ZBBX: variants seen among roughly 807,000 people sequenced by gnomAD.
ZBBX encodes the protein zinc finger B-box domain containing.
Under a neutral mutation model 108.5 loss-of-function variants are expected in ZBBX, and 101 were observed. That is an observed-to-expected ratio of 0.93 (90% CI 0.79 to 1.10). The LOEUF (loss-of-function observed/expected upper bound fraction) is 1.10, where lower values mean the gene tolerates loss of function less well. Ranked by LOEUF, ZBBX falls within the 50% of genes least tolerant of loss-of-function variation. The pLI, the probability that ZBBX is intolerant of heterozygous loss-of-function variation, is 0.00. For synonymous variants in ZBBX, 356 were observed against 323.4 expected, an observed-to-expected ratio of 1.10 and a Z score of -1.08; for missense variants, 1,009 against 941.4, an observed-to-expected ratio of 1.07 and a Z score of -0.94.
chr3:167,206,128 G>A, the ZBBX span, among the ~76,000 whole-genome samples: 2 of 151,666 alleles, frequency 1.3e-5, 1 homozygote, highest in African/African-American at 4.8e-5. Flanking sequence ...TGTTCCCTTT[G>A]ACCTACTTCT....
the ZBBX span, among the ~76,000 whole-genome samples, chr3:167,234,676 T>C: frequency 6.6e-6 from 1 of 151,794 alleles, no homozygotes; most frequent in Non-Finnish European, 1.5e-5. Flanking sequence ...CAAGTAGCTA[T>C]TGATCAGTAA....
At chr3:167,339,356 ACACCTC>A (rs1740138210) in intron 9 of ZBBX, among the ~76,000 whole-genome samples, 1 of 152,172 alleles carries the variant, frequency 6.6e-6, no homozygotes, top group South Asian at 2.1e-4. Flanking sequence ...AGCTGTAAAG[ACACCTC>A]CTCTGACTTT....
chr3:167,193,622 C>T, the ZBBX span, among the ~76,000 whole-genome samples: 2 of 152,034 alleles, frequency 1.3e-5, no homozygotes, highest in African/African-American at 4.8e-5. Flanking sequence ...GCTTCTCCAC[C>T]ACCATTTTGG....
At chr3:167,398,512 C>T (rs1008514187) in intron 1 of ZBBX, among the ~76,000 whole-genome samples, 1 of 151,760 alleles carries the variant, frequency 6.6e-6, no homozygotes, top group Non-Finnish European at 1.5e-5. Flanking sequence ...TATGTATGTC[C>T]TATTAGCTAG....
intron 8 of ZBBX, among the ~76,000 whole-genome samples, chr3:167,358,991 GA>G (rs1157669350): frequency 8.7e-6 from 1 of 114,308 alleles, no homozygotes; most frequent in Non-Finnish European, 1.9e-5. Context: ...TGTGAGAAAA[GA>G]AAAAAAAGAC....
chr3:167,261,813 C>T (rs1224069846), intron 20 of ZBBX, among the ~76,000 whole-genome samples: 1 of 145,792 alleles, frequency 6.9e-6, no homozygotes, highest in Non-Finnish European at 1.5e-5. Flanking sequence ...GGGGCGGGGG[C>T]TTGGTTCTTC....
the ZBBX span, among the ~76,000 whole-genome samples, chr3:167,229,695 A>C: frequency 6.6e-6 from 1 of 151,936 alleles, no homozygotes; most frequent in Non-Finnish European, 1.5e-5. Flanking sequence ...CTCTGGAAGA[A>C]AAATGACCAC....
chr3:167,360,551 T>C, intron 7 of ZBBX, 124 bp downstream of exon 7: 2 of 488,320 alleles, frequency 4.1e-6, no homozygotes, highest in Non-Finnish European at 6.6e-6. Context: ...CAATGTGTCA[T>C]GATTTGGGGG....
chr3:167,374,261 T>C (rs1480603276), intron 2 of ZBBX, among the ~76,000 whole-genome samples: 1 of 152,072 alleles, frequency 6.6e-6, no homozygotes, highest in Non-Finnish European at 1.5e-5. Context: ...GATCAGAAAT[T>C]AGCATATTTT....
At chr3:167,276,203 T>G (rs1363539057) in intron 20 of ZBBX, among the ~76,000 whole-genome samples, 1 of 151,968 alleles carries the variant, frequency 6.6e-6, no homozygotes, top group Non-Finnish European at 1.5e-5. Context: ...TCCAAAGGAA[T>G]GCAGTTCCTC....
intron 18 of ZBBX, among the ~76,000 whole-genome samples, chr3:167,289,886 C>T (rs1018802101): frequency 3.3e-5 from 5 of 152,002 alleles, no homozygotes; most frequent in African/African-American, 1.2e-4. Context: ...CTGGGATGCT[C>T]GAGCTTGGTG....
At chr3:167,302,312 A>G (rs1021976302) in intron 17 of ZBBX, among the ~76,000 whole-genome samples, 1 of 152,070 alleles carries the variant, frequency 6.6e-6, no homozygotes, top group African/African-American at 2.4e-5. Context: ...GGTTTTGTCC[A>G]TTTTTGCTAC....
rs530841393 is a variant in ZBBX at position 167,343,968 on chromosome 3, G to A, written c.528+6452C>T. On this transcript the variant is annotated intron_variant, in intron 9 of 21. Coordinates refer to ENST00000675490, the MANE Select transcript of ZBBX (RefSeq NM_001199201.2). The stretch of plus-strand genomic sequence containing the variant: ...AATAGCCAAAAGGTGGAAACAACCC[G>A]AATATCCATCAAATGATGAATGAAT... Among the ~76,000 whole-genome samples, 36 of 151,892 alleles carry A rather than the reference G, an allele frequency of 2.4e-4. No homozygotes were observed. In the South Asian group the frequency reaches 6.4e-3, roughly 27 times the overall value.
At chr3:167,233,765 G>C in the ZBBX span, among the ~76,000 whole-genome samples, 1 of 150,390 alleles carries the variant, frequency 6.6e-6, no homozygotes, top group Non-Finnish European at 1.5e-5. Context: ...TCAATGAATT[G>C]TGAAAAGGTT....
intron 2 of ZBBX, among the ~76,000 whole-genome samples, chr3:167,373,998 T>C (rs946742824): frequency 6.6e-6 from 1 of 152,154 alleles, no homozygotes; most frequent in Non-Finnish European, 1.5e-5. Context: ...TAAAACAAAC[T>C]AAAGCACATA....
intron 17 of ZBBX, among the ~76,000 whole-genome samples, chr3:167,299,233 G>A (rs2108186015): frequency 6.6e-6 from 1 of 152,060 alleles, no homozygotes; most frequent in South Asian, 2.1e-4. Flanking sequence ...TCTAACTAAT[G>A]CCCAAATATA....
At chr3:167,268,815 C>T (rs1323729499) in intron 20 of ZBBX, among the ~76,000 whole-genome samples, 4 of 152,070 alleles carry the variant, frequency 2.6e-5, no homozygotes, top group Non-Finnish European at 5.9e-5. Context: ...AAACAAAGGG[C>T]AAAACTTGGT....
At chr3:167,186,832 A>G in the ZBBX span, among the ~76,000 whole-genome samples, 1 of 152,202 alleles carries the variant, frequency 6.6e-6, no homozygotes, top group African/African-American at 2.4e-5. Flanking sequence ...ATAGGTCGCC[A>G]TAGTCACAAA....
At chr3:167,348,324 G>GAA (rs1194196710) in intron 9 of ZBBX, among the ~76,000 whole-genome samples, 2 of 78,490 alleles carry the variant, frequency 2.5e-5, no homozygotes. Flanking sequence ...GAGAAAGAAA[G>GAA]AAAGAAAGAA....
Sources: gnomAD v4.1 joint callset for allele counts (sites outside exome capture counted in the v4.1 genomes callset) on GRCh38, gnomAD v4.1.1 for gene constraint, MANE v1.5 for transcripts, NCBI Gene and HGNC (gene_info 2026-07-23, HGNC 2026-07-21) for gene names.